Variants in CDH13 observed in about 807,000 individuals in gnomAD.
CDH13 encodes cadherin-13.
In CDH13, 24 loss-of-function variants were observed where a neutral mutation model predicts 63.8. The observed-to-expected ratio is 0.38, with a 90% CI of 0.27 to 0.53. The LOEUF is 0.53. Ranked by LOEUF, CDH13 falls within the 20% of genes least tolerant of loss-of-function variation. The pLI, the probability that CDH13 is intolerant of heterozygous loss-of-function variation, is 0.85. For synonymous variants in CDH13, 503 were observed against 355.3 expected, an observed-to-expected ratio of 1.42 and a Z score of -4.67; for missense variants, 1,049 against 903.1, an observed-to-expected ratio of 1.16 and a Z score of -2.07.
intron 4 of CDH13, among the ~76,000 whole-genome samples, chr16:83,188,223 T>C (rs1043765576): frequency 1.3e-5 from 2 of 152,024 alleles, no homozygotes; most frequent in African/African-American, 4.8e-5. Context: ...GGATGGAGAA[T>C]AGAATAGAGT....
At chr16:82,898,740 C>T (rs1464903869) in intron 2 of CDH13, among the ~76,000 whole-genome samples, 1 of 152,078 alleles carries the variant, frequency 6.6e-6, no homozygotes, top group African/African-American at 2.4e-5. Flanking sequence ...GAATGGTCTT[C>T]CCAGTGAATG....
At chr16:83,021,344 A>T (rs968992995) in intron 2 of CDH13, among the ~76,000 whole-genome samples, 1 of 152,236 alleles carries the variant, frequency 6.6e-6, no homozygotes, top group Non-Finnish European at 1.5e-5. Context: ...ACAAATTCGT[A>T]GTGATTATAA....
At chr16:83,256,800 G>A (rs530060557) in intron 5 of CDH13, among the ~76,000 whole-genome samples, 16 of 141,896 alleles carry the variant, frequency 1.1e-4, no homozygotes, top group South Asian at 8.8e-4. Context: ...AGCCGAGATC[G>A]CGCCACTGCA....
chr16:82,782,450 G>C (rs1026163725), intron 1 of CDH13, among the ~76,000 whole-genome samples: 3 of 151,960 alleles, frequency 2.0e-5, no homozygotes, highest in Non-Finnish European at 4.4e-5. Context: ...TACTGGGGAG[G>C]CTGAGGCAGG....
chr16:83,294,628 A>G (rs970022672), intron 5 of CDH13, among the ~76,000 whole-genome samples: 3 of 151,688 alleles, frequency 2.0e-5, no homozygotes, highest in Non-Finnish European at 4.4e-5. Context: ...GTATATATAT[A>G]TGTGATATTC....
intron 2 of CDH13, among the ~76,000 whole-genome samples, chr16:82,936,473 T>G (rs1344000513): frequency 6.6e-6 from 1 of 152,058 alleles, no homozygotes; most frequent in Admixed American, 6.6e-5. Flanking sequence ...ACCCACCAAC[T>G]TTCCCCATCC....
intron 2 of CDH13, among the ~76,000 whole-genome samples, chr16:82,965,241 C>T (rs1317199946): frequency 2.0e-5 from 3 of 152,144 alleles, no homozygotes; most frequent in Non-Finnish European, 2.9e-5. Context: ...TAATACTTTG[C>T]TTCTTCCCTC....
intron 4 of CDH13, among the ~76,000 whole-genome samples, chr16:83,161,935 A>T (rs916591104): frequency 1.3e-5 from 2 of 152,240 alleles, no homozygotes; most frequent in Non-Finnish European, 2.9e-5. Context: ...TTATTCATGT[A>T]ACTCTCTTCT....
chr16:83,581,980 C>G (rs1489885919), intron 7 of CDH13, among the ~76,000 whole-genome samples: 5 of 152,116 alleles, frequency 3.3e-5, no homozygotes. Context: ...TCTTTGTGAC[C>G]TTGTCTATGG....
At chr16:83,645,182 G>C (rs1245169626) in intron 8 of CDH13, among the ~76,000 whole-genome samples, 1 of 152,224 alleles carries the variant, frequency 6.6e-6, no homozygotes, top group African/African-American at 2.4e-5. Context: ...TAAAGAAAAG[G>C]TGGTGTATAC....
At chr16:82,949,380 A>G (rs531940600) in intron 2 of CDH13, among the ~76,000 whole-genome samples, 1 of 152,206 alleles carries the variant, frequency 6.6e-6, no homozygotes, top group African/African-American at 2.4e-5. Flanking sequence ...CGCATACTGG[A>G]ATAGGTCCAC....
intron 4 of CDH13, among the ~76,000 whole-genome samples, chr16:83,185,312 A>G (rs1030414849): frequency 6.6e-6 from 1 of 152,148 alleles, no homozygotes; most frequent in Non-Finnish European, 1.5e-5. Context: ...AACTCCAAAG[A>G]TTTTTGCTAT....
chr16:83,005,123 G>T (rs1913350196), intron 2 of CDH13, among the ~76,000 whole-genome samples: 1 of 152,146 alleles, frequency 6.6e-6, no homozygotes, highest in African/African-American at 2.4e-5. Context: ...AAGTAGCCAG[G>T]TACCTGAATA....
At chr16:83,355,012 A>C (rs2091025487) in intron 6 of CDH13, among the ~76,000 whole-genome samples, 1 of 152,342 alleles carries the variant, frequency 6.6e-6, no homozygotes. Flanking sequence ...AAAAGTTTGC[A>C]GACCCCTGGC....
intron 6 of CDH13, among the ~76,000 whole-genome samples, chr16:83,395,854 G>T (rs189764462): frequency 1.3e-5 from 2 of 152,216 alleles, no homozygotes; most frequent in African/African-American, 4.8e-5. Flanking sequence ...TGTTACATAG[G>T]TAAACGTGTG....
At chr16:83,578,991 G>A (rs1277340584) in intron 7 of CDH13, among the ~76,000 whole-genome samples, 1 of 152,240 alleles carries the variant, frequency 6.6e-6, no homozygotes, top group Non-Finnish European at 1.5e-5. Context: ...GTCTGTTCCT[G>A]TTATGAAAAG....
intron 10 of CDH13, among the ~76,000 whole-genome samples, chr16:83,723,211 A>T (rs1909923108): frequency 6.6e-6 from 1 of 152,218 alleles, no homozygotes; most frequent in Admixed American, 6.5e-5. Flanking sequence ...TGGGCTTGAT[A>T]AGCTACCTCA....
At chr16:82,918,325 A>G (rs994347776) in intron 2 of CDH13, among the ~76,000 whole-genome samples, 2 of 152,190 alleles carry the variant, frequency 1.3e-5, no homozygotes, top group African/African-American at 4.8e-5. Flanking sequence ...AGACACGGAG[A>G]AAATGGTGAT....
chr16:83,246,503 C>A (rs1171378157), intron 5 of CDH13, among the ~76,000 whole-genome samples: 4 of 151,324 alleles, frequency 2.6e-5, no homozygotes, highest in Admixed American at 2.6e-4. Context: ...TGGCATTCTT[C>A]CTCTTCTCTA....
Sources: gnomAD v4.1 joint callset for allele counts (sites outside exome capture counted in the v4.1 genomes callset) on GRCh38, gnomAD v4.1.1 for gene constraint, MANE v1.5 for transcripts, NCBI Gene and HGNC (gene_info 2026-07-23, HGNC 2026-07-21) for gene names.